The following CRYBG2 variants were observed in gnomAD, a reference collection of about 807,000 sequenced individuals.
CRYBG2 encodes the protein beta/gamma crystallin domain-containing protein 2.
A neutral mutation model predicts 153.4 loss-of-function variants in CRYBG2; 106 were observed. The ratio of observed to expected loss-of-function variants is 0.69; its 90% CI spans 0.59 to 0.81. The LOEUF (loss-of-function observed/expected upper bound fraction) is 0.81. CRYBG2 is among the 30% of genes least tolerant of loss of function. CRYBG2 has a pLI of 0.00. For missense variants in CRYBG2, 1,996 were observed against 2,112.0 expected, an observed-to-expected ratio of 0.95 and a Z score of 1.08; for synonymous variants, 851 against 877.8, an observed-to-expected ratio of 0.97 and a Z score of 0.54.
intron 5 of CRYBG2, among the ~76,000 whole-genome samples, chr1:26,339,927 C>T (rs1376444986): frequency 1.3e-5 from 2 of 152,166 alleles, no homozygotes; most frequent in Non-Finnish European, 2.9e-5. Flanking sequence ...AGACCAAAGC[C>T]TGTGCTGGTC....
intron 18 of CRYBG2, among the ~76,000 whole-genome samples, chr1:26,323,083 T>TC (rs1438521927): frequency 3.3e-5 from 3 of 92,114 alleles, no homozygotes; most frequent in East Asian, 2.1e-4. Context: ...CTTTCTATTC[T>TC]CCTTTTTTTT....
At chr1:26,331,398 C>T (rs2124697544) in intron 15 of CRYBG2, 91 bp downstream of exon 15, 2 of 1,536,034 alleles carry the variant, frequency 1.3e-6, no homozygotes, top group East Asian at 2.3e-5. Context: ...TGGAATCAAC[C>T]CCTGCACCAG....
At chr1:26,327,390 C>T (rs941936614) in intron 17 of CRYBG2, among the ~76,000 whole-genome samples, 1 of 151,960 alleles carries the variant, frequency 6.6e-6, no homozygotes, top group Non-Finnish European at 1.5e-5. Context: ...ATTGCTTGAA[C>T]CCAGGGGGCA....
At chr1:26,339,702 C>T (rs1302473010) in intron 5 of CRYBG2, among the ~76,000 whole-genome samples, 4 of 151,524 alleles carry the variant, frequency 2.6e-5, no homozygotes, top group Non-Finnish European at 4.4e-5. Flanking sequence ...TGCCATTGCA[C>T]TCAAGCCTGG....
intron 16 of CRYBG2, 111 bp downstream of exon 16, chr1:26,328,623 G>T: frequency 6.9e-7 from 1 of 1,450,894 alleles, no homozygotes; most frequent in African/African-American, 1.4e-5. Context: ...TTGGAGGGGA[G>T]TGGGGGAAAA....
chr1:26,330,111 C>T (rs904336563), intron 15 of CRYBG2, among the ~76,000 whole-genome samples: 1 of 152,180 alleles, frequency 6.6e-6, no homozygotes, highest in Non-Finnish European at 1.5e-5. Flanking sequence ...TTCATGATAA[C>T]AATAACAACA....
At chr1:26,338,545 G>A in intron 6 of CRYBG2, 68 bp from the exon 7 acceptor site, 1 of 1,482,726 alleles carries the variant, frequency 6.7e-7, no homozygotes, top group Admixed American at 2.3e-5. Context: ...TGGTGGGCGG[G>A]AGGGAAGGTT....
chr1:26,352,654 G>A (rs1308144512), intron 1 of CRYBG2, among the ~76,000 whole-genome samples: 2 of 151,854 alleles, frequency 1.3e-5, no homozygotes, highest in Non-Finnish European at 2.9e-5. Context: ...CACTCTAAGT[G>A]AGCCCTAGCC....
rs1459020052 is a variant in CRYBG2, at chr1:26,346,478, T to C, written c.180A>G (p.Arg60=). Residue 60 remains arginine, a synonymous_variant, in exon 2 of 20, where the codon CGA becomes CGG. Coordinates refer to ENST00000308182, the MANE Select transcript of CRYBG2 (RefSeq NM_001039775.4). The surrounding 1 kb of genome is among the most constrained non-coding windows in gnomAD (Gnocchi z 4.9). ...PQKEMFEFSR[R]EEVEVNGFAT... ...CAAAGCCATTGACTTCCACTTCCTC[T>C]CGACGGCTGAACTCAAACATCTCCT... The C allele has an allele frequency of 6.2e-7, 1 of 1,610,574 alleles. No homozygotes were observed. Among genetic ancestry groups the C allele is most frequent in the South Asian group, 1.1e-5 (1 of 91,066 alleles).
chr1:26,352,695 G>A (rs889946131), intron 1 of CRYBG2, among the ~76,000 whole-genome samples: 4 of 151,648 alleles, frequency 2.6e-5, no homozygotes, highest in African/African-American at 9.7e-5. Context: ...ATCCACCTGG[G>A]CCCAAAATAC....
chr1:26,345,544 G>T lies in CRYBG2; in HGVS notation c.1114C>A (p.Gln372Lys). The T allele has an allele frequency of 6.2e-7, 1 of 1,604,396 alleles. No individual in the cohort carries two copies. Among genetic ancestry groups the T allele is most frequent in the Non-Finnish European group, 8.5e-7 (1 of 1,175,372 alleles). The change falls in exon 2 of 20, where the codon CAG becomes AAG. Residue 372 changes from glutamine to lysine, a missense_variant. Physicochemically the swap from Gln to Lys is moderately conservative, Grantham distance 53 (BLOSUM62 1). Coordinates refer to ENST00000308182, the MANE Select transcript of CRYBG2 (RefSeq NM_001039775.4). ...PSPGLTHPAK[Q>K]PVVPTHPGAR... ...CCGGGGTGAGTGGGCACCACAGGCT[G>T]CTTTGCAGGGTGAGTTAGGCCAGGA...
At position 26,337,651 on chromosome 1, in the gene CRYBG2, G is replaced by T; in HGVS notation, c.3531C>A (p.Gly1177=). The change falls in exon 9 of 20, where the codon GGC becomes GGA. Residue 1177 remains glycine, a synonymous_variant. Transcript: ENST00000308182. The part of the protein sequence containing the change: ...EPRAVVYEAP[G]FQGRSWEVSR... ...TCACTTCCCAGCTGCGGCCCTGAAA[G>T]CCTGGGGCCTCATACACCACAGCCT... 6.2e-7 allele frequency: 1 copy of T among 1,612,350 alleles called. No homozygotes were observed.
rs534430201 is a variant in CRYBG2 at position 26,345,395 on chromosome 1, A to G, written c.1263T>C (p.Ala421=). 48 of 1,612,796 alleles carry G rather than the reference A, an allele frequency of 3.0e-5. No homozygotes were observed. The African/African-American group carries it at 6.1e-4, about 21-fold the overall frequency. Residue 421 remains alanine, a synonymous_variant, in exon 2 of 20, where the codon GCT becomes GCC. Coordinates refer to ENST00000308182, the MANE Select transcript of CRYBG2 (RefSeq NM_001039775.4). ...EHVTVPGQPP[A]PSTTRRKDVP... is the part of the protein sequence containing the mutation. ...CATCCTTCCTTCTTGTAGTGGATGGAGCAGGAGGTTGTCCAGGGACTGTCA... is the reference window on the plus strand; with the variant it reads ...CATCCTTCCTTCTTGTAGTGGATGGGGCAGGAGGTTGTCCAGGGACTGTCA...
In CRYBG2 at chr1:26,338,352, A is replaced by T; in HGVS notation, c.3470T>A (p.Leu1157Ter). The change falls in exon 7 of 20, where the codon TTG (leucine) becomes TAG (stop). Residue 1157 changes from leucine to a stop codon, truncating the protein, a stop_gained and splice_region_variant. Coordinates refer to ENST00000308182, the MANE Select transcript of CRYBG2 (RefSeq NM_001039775.4). LOFTEE classifies it high-confidence loss of function. ...CTGTGGGTGTGCCCTGTTCTTTACC[A>T]ATCTCATGGGCTTCAGGGAGCCCAC... The part of the protein sequence containing the change: ...PSVGSLKPMR[L>*]GCPSVEKPGE... The T allele has an allele frequency of 6.3e-7, 1 of 1,599,656 alleles. No individual in the cohort carries two copies.
At chr1:26,327,475 A>C (rs558990563) in intron 17 of CRYBG2, among the ~76,000 whole-genome samples, 41 of 78,976 alleles carry the variant, frequency 5.2e-4, no homozygotes, top group African/African-American at 2.6e-3. Flanking sequence ...CTCAAAAAAC[A>C]AAAAACAAAA....
chr1:26,345,609 G>A lies in CRYBG2; in HGVS notation c.1049C>T (p.Ser350Leu), dbSNP rs2074205526. ...LPLQTSQGQA[S>L]VPSSPRLETH... ...CTCGAGTCTGGGAGAGGAGGGGACT[G>A]ATGCTTGACCCTGAGAAGTCTGGAG... The change falls in exon 2 of 20, where the codon TCA (serine) becomes TTA (leucine). Residue 350 changes from serine (S) to leucine (L), a missense_variant. Physicochemically the swap from Ser to Leu is moderately radical, Grantham distance 145. Coordinates refer to ENST00000308182, the MANE Select transcript of CRYBG2 (RefSeq NM_001039775.4). 6.2e-7 allele frequency: 1 copy of A among 1,600,202 alleles called. No homozygotes were observed. Among genetic ancestry groups the A allele is most frequent in the Non-Finnish European group, 8.5e-7 (1 of 1,179,794 alleles).
At chr1:26,342,997 C>T in intron 4 of CRYBG2, 50 bp downstream of exon 4, 1 of 1,535,200 alleles carries the variant, frequency 6.5e-7, no homozygotes, top group Non-Finnish European at 8.8e-7. Context: ...CTCCCCTCTG[C>T]ATCCCCCCAG....
chr1:26,328,931 C>G, intron 15 of CRYBG2, 58 bp from the exon 16 acceptor site: 4 of 1,600,700 alleles, frequency 2.5e-6, no homozygotes, highest in Non-Finnish European at 3.4e-6. Context: ...CCAGACGCAG[C>G]CCCACAATCC....
Position 26,336,455 on chromosome 1 carries a change from C to G in CRYBG2, c.4039-85G>C. ...CTAGGTTTCAGTACCGTCCACCCCG[C>G]GGCCGCGCCCTCGGCCCCGCCCCCT... On this transcript the variant is annotated intron_variant, in intron 12 of 19. Transcript: ENST00000308182. The surrounding 1 kb of genome is among the most constrained non-coding windows in gnomAD (Gnocchi z 4.9). The G allele has an allele frequency of 6.4e-7, 1 of 1,565,798 alleles. No individual in the cohort carries two copies. The highest frequency in any genetic ancestry group is 8.7e-7 in the Non-Finnish European group (1 of 1,155,064).
Sources: allele counts gnomAD v4.1 joint callset (sites outside exome capture counted in the v4.1 genomes callset), GRCh38; gene constraint gnomAD v4.1.1; non-coding constraint Gnocchi (gnomAD v3.1); transcripts MANE v1.5; gene names NCBI Gene and HGNC (gene_info 2026-07-23, HGNC 2026-07-21).